The following DRD3 variants were observed in gnomAD, a reference collection of about 807,000 sequenced individuals.
DRD3 encodes the protein dopamine receptor D3, also known as D(3) dopamine receptor.
A neutral mutation model predicts 36.3 loss-of-function variants in DRD3; 19 were observed. That is an observed-to-expected ratio of 0.52 (90% confidence interval 0.36 to 0.77). The LOEUF (loss-of-function observed/expected upper bound fraction) is 0.77, where lower values mean the gene tolerates loss of function less well. Among genes scored for constraint, DRD3 ranks in the 30% least tolerant of loss-of-function variants. The pLI is 0.00. For missense variants in DRD3, 465 were observed against 505.3 expected (o/e 0.92, Z 0.77); for synonymous variants, 195 against 203.7 (o/e 0.96, Z 0.36).
At position 114,161,849 on chromosome 3, in the gene DRD3, A is replaced by G. The variant is rs113698394; in HGVS notation, c.271-1982T>C. On this transcript the variant is annotated intron_variant, in intron 2 of 6. Transcript: ENST00000383673. ...AGCGTCTTGCAAAAGCTGATTTTGT[A>G]TACTAAATTTTATTTCAATATTATA... 4.2e-3 allele frequency among the ~76,000 whole-genome samples: 645 copies of G among 152,334 alleles called. 4 individuals are homozygous for G. The highest frequency in any genetic ancestry group is 0.014 in the African/African-American group (578 of 41,580).
upstream of DRD3, among the ~76,000 whole-genome samples, chr3:114,182,248 G>C (rs572371301): frequency 1.3e-5 from 2 of 152,302 alleles, no homozygotes. Context: ...AGAACCATCT[G>C]AGAAAGTGTT....
At chr3:114,179,389 C>T (rs2077933096), upstream of DRD3, among the ~76,000 whole-genome samples, 1 of 152,160 alleles carries the variant, frequency 6.6e-6, no homozygotes, top group Non-Finnish European at 1.5e-5. Flanking sequence ...TGGCGTATAA[C>T]TGGCAATAAG....
intron 1 of DRD3, among the ~76,000 whole-genome samples, chr3:114,184,401 T>C (rs36212515): frequency 0.14 from 21,724 of 151,998 alleles, 1,834 homozygotes; most frequent in Admixed American, 0.23. Context: ...AAAGTTACAA[T>C]AATGTTAGCT....
intron 5 of DRD3, among the ~76,000 whole-genome samples, chr3:114,133,825 A>G (rs865801047): frequency 3.9e-5 from 6 of 152,188 alleles, no homozygotes; most frequent in Middle Eastern, 6.3e-3. Flanking sequence ...GATGGCATAA[A>G]AGCCAGATAT....
rs2077850972 is a variant in DRD3, at chr3:114,172,042, A to G, written c.-35-15T>C. 7.3e-7 allele frequency: 1 copy of G among 1,374,920 alleles called. No individual in the cohort carries two copies. 85.2% of individuals were successfully genotyped at this position (1,374,920 alleles called of 1,614,324 possible). A position where few individuals can be genotyped will look rare whatever the true frequency, so the allele number is the denominator to read the frequency against. Reference sequence around the variant, plus strand: ...CAAGGGGCTTCCTGTGAGGAGACAGAAAACAATATTAATAAAATCAGACTC... The same window carrying G: ...CAAGGGGCTTCCTGTGAGGAGACAGGAAACAATATTAATAAAATCAGACTC... On this transcript the variant is annotated splice_polypyrimidine_tract_variant and intron_variant, in intron 1 of 6. Coordinates refer to ENST00000383673, the MANE Select transcript of DRD3 (RefSeq NM_000796.6).
At chr3:114,174,496 G>A (rs324028) in intron 1 of DRD3, among the ~76,000 whole-genome samples, 90,389 of 152,052 alleles carry the variant, frequency 0.59, 27,860 homozygotes, top group East Asian at 0.7. Flanking sequence ...CTAATTATAC[G>A]AAGGGAAACC....
chr3:114,186,288 C>T (rs572065364), intron 1 of DRD3, among the ~76,000 whole-genome samples: 24 of 152,232 alleles, frequency 1.6e-4, no homozygotes, highest in Non-Finnish European at 2.1e-4. Context: ...CCACCATGCC[C>T]GGTTAATTTT....
chr3:114,178,942 G>C lies in DRD3; in HGVS notation c.-321C>G, dbSNP rs1376705866. On this transcript the variant is annotated 5_prime_UTR_variant, in exon 1 of 7. Transcript: ENST00000383673. ...TGGGAGGGACCCTAAACTGAGCGTT[G>C]CTTGGGTCAGCCGCTCAGAGGTTCT... The C allele has an allele frequency of 6.6e-6, 1 of 152,192 alleles. No homozygotes were observed. Among genetic ancestry groups the C allele is most frequent in the Non-Finnish European group, 1.5e-5 (1 of 68,046 alleles). The allele number at this position is 152,192 out of a possible 1,614,324, so 9.4% of individuals were successfully genotyped here.
intron 3 of DRD3, among the ~76,000 whole-genome samples, chr3:114,156,785 T>TTC (rs1250897111): frequency 1.6e-5 from 2 of 126,998 alleles, no homozygotes; most frequent in Non-Finnish European, 3.4e-5. Flanking sequence ...CTTTCTTTCT[T>TTC]TCTTTCTTTC....
intron 5 of DRD3, 84 bp downstream of exon 5, chr3:114,139,416 G>T: frequency 1.5e-6 from 2 of 1,335,076 alleles, no homozygotes; most frequent in Non-Finnish European, 2.0e-6. Context: ...TTAGCTAAAC[G>T]GCAAAATCAT....
chr3:114,156,914 T>C (rs2107862007), intron 3 of DRD3, among the ~76,000 whole-genome samples: 1 of 145,108 alleles, frequency 6.9e-6, no homozygotes, highest in African/African-American at 2.7e-5. Flanking sequence ...CTTCCTTCTT[T>C]CCTTCCTTCC....
intron 2 of DRD3, among the ~76,000 whole-genome samples, chr3:114,161,654 A>G (rs1190284354): frequency 1.3e-5 from 2 of 152,216 alleles, no homozygotes; most frequent in Non-Finnish European, 2.9e-5. Context: ...TTGGCTCTAT[A>G]TAAATAAAGG....
intron 3 of DRD3, among the ~76,000 whole-genome samples, chr3:114,155,943 T>G (rs2077662866): frequency 6.6e-6 from 1 of 152,150 alleles, no homozygotes; most frequent in African/African-American, 2.4e-5. Context: ...CTTCCGCCTC[T>G]TCTCCTTCTC....
intron 1 of DRD3, among the ~76,000 whole-genome samples, chr3:114,174,922 A>G (rs1387243831): frequency 1.3e-5 from 2 of 152,168 alleles, no homozygotes; most frequent in South Asian, 2.1e-4. Flanking sequence ...GTAATTTACA[A>G]TGATAGGCTG....
chr3:114,189,835 T>G (rs2077994618), intron 1 of DRD3, among the ~76,000 whole-genome samples: 1 of 152,202 alleles, frequency 6.6e-6, no homozygotes, highest in South Asian at 2.1e-4. Context: ...GCCTGAACCC[T>G]TGAACCTAGC....
chr3:114,161,090 G>C (rs1313048599), intron 2 of DRD3, among the ~76,000 whole-genome samples: 3 of 152,070 alleles, frequency 2.0e-5, no homozygotes, highest in Non-Finnish European at 4.4e-5. Context: ...GCGAGGCTTT[G>C]TGCAGTTACC....
intron 2 of DRD3, among the ~76,000 whole-genome samples, chr3:114,167,007 T>TA (rs1318169668): frequency 6.6e-6 from 1 of 152,166 alleles, no homozygotes; most frequent in Non-Finnish European, 1.5e-5. Flanking sequence ...AACTTTCCTT[T>TA]AAAAAAACCC....
chr3:114,157,715 T>A (rs2077695338), intron 3 of DRD3, among the ~76,000 whole-genome samples: 1 of 152,220 alleles, frequency 6.6e-6, no homozygotes, highest in African/African-American at 2.4e-5. Flanking sequence ...GGATGATTTT[T>A]TATTTATATC....
intron 2 of DRD3, among the ~76,000 whole-genome samples, chr3:114,160,437 T>C (rs2077722062): frequency 6.6e-6 from 1 of 152,062 alleles, no homozygotes; most frequent in South Asian, 2.1e-4. Flanking sequence ...AAATAAACAC[T>C]CCTATACATA....
Sources: allele counts gnomAD v4.1 joint callset (sites outside exome capture counted in the v4.1 genomes callset), GRCh38; gene constraint gnomAD v4.1.1; transcripts MANE v1.5; gene names NCBI Gene and HGNC (gene_info 2026-07-23, HGNC 2026-07-21).